The following DNAAF9 variants were observed in gnomAD, a reference collection of about 807,000 sequenced individuals.
DNAAF9 encodes the protein dynein axonemal assembly factor 9, also known as shulin.
DNAAF9 carries 90 observed loss-of-function variants against 167.0 expected under a neutral mutation model. That is an observed-to-expected ratio of 0.54 (90% CI 0.45 to 0.64). DNAAF9 has a LOEUF of 0.64. Ranked by LOEUF, DNAAF9 falls within the 30% of genes least tolerant of loss-of-function variation. The pLI, the probability that DNAAF9 is intolerant of heterozygous loss-of-function variation, is 0.00. For missense variants in DNAAF9, 1,315 were observed against 1,442.2 expected, an observed-to-expected ratio of 0.91 and a Z score of 1.43; for synonymous variants, 491 against 508.8, an observed-to-expected ratio of 0.96 and a Z score of 0.47.
intron 10 of DNAAF9, among the ~76,000 whole-genome samples, chr20:3,334,578 T>C (rs1293337255): frequency 6.6e-6 from 1 of 152,226 alleles, no homozygotes; most frequent in Non-Finnish European, 1.5e-5. Flanking sequence ...AAAAGCGAAA[T>C]TGCTGGATCT....
intron 25 of DNAAF9, among the ~76,000 whole-genome samples, chr20:3,292,330 G>A (rs1172195865): frequency 6.6e-6 from 1 of 152,188 alleles, no homozygotes; most frequent in Admixed American, 6.5e-5. Context: ...CAACAAGTAG[G>A]TATGCTTTAC....
chr20:3,261,557 G>A (rs896600795), intron 31 of DNAAF9, among the ~76,000 whole-genome samples: 8 of 149,856 alleles, frequency 5.3e-5, no homozygotes, highest in African/African-American at 2.0e-4. Context: ...TAATAGAGAT[G>A]GGGTTTCACC....
chr20:3,391,921 G>T (rs2083832900), intron 1 of DNAAF9, among the ~76,000 whole-genome samples: 1 of 152,132 alleles, frequency 6.6e-6, no homozygotes. Flanking sequence ...GGCGGGCACA[G>T]TGGCTCATGT....
Position 3,252,546 on chromosome 20 carries a change from G to T in DNAAF9, c.*26C>A. The T allele has an allele frequency of 8.1e-7, 1 of 1,241,962 alleles. No individual in the cohort carries two copies. Among genetic ancestry groups the T allele is most frequent in the Non-Finnish European group, 1.2e-6 (1 of 840,006 alleles). 76.9% of individuals were successfully genotyped at this position (1,241,962 alleles called of 1,614,324 possible). A position where few individuals can be genotyped will look rare whatever the true frequency, so the allele number is the denominator to read the frequency against. Reference sequence around the variant, plus strand: ...CGTCCATCTCCAAGGTGGACATTCTGCAGGACGTACGGGCCCAGCCTTCCT... The same window carrying T: ...CGTCCATCTCCAAGGTGGACATTCTTCAGGACGTACGGGCCCAGCCTTCCT... On this transcript the variant is annotated 3_prime_UTR_variant, in exon 37 of 37. Coordinates refer to ENST00000252032, the MANE Select transcript of DNAAF9 (RefSeq NM_001009984.3).
intron 30 of DNAAF9, among the ~76,000 whole-genome samples, chr20:3,265,834 C>T (rs906309906): frequency 1.3e-5 from 2 of 151,508 alleles, no homozygotes; most frequent in East Asian, 2.0e-4. Context: ...CCCACCACCA[C>T]GCCCTGCTAA....
At chr20:3,341,593 C>A (rs1274143319) in intron 9 of DNAAF9, among the ~76,000 whole-genome samples, 1 of 152,170 alleles carries the variant, frequency 6.6e-6, no homozygotes, top group Non-Finnish European at 1.5e-5. Context: ...CTTCCTCCGC[C>A]TTCAAATCTA....
At chr20:3,343,599 A>G in intron 9 of DNAAF9, 77 bp downstream of exon 9, 1 of 1,073,582 alleles carries the variant, frequency 9.3e-7, no homozygotes, top group Admixed American at 2.0e-5. Context: ...ACTTGAATGC[A>G]CCCCCACAGC....
intron 33 of DNAAF9, among the ~76,000 whole-genome samples, chr20:3,257,114 G>A (rs1163636131): frequency 6.6e-6 from 1 of 152,290 alleles, no homozygotes; most frequent in African/African-American, 2.4e-5. Context: ...AGGAGTGACT[G>A]GAGACCCAAG....
chr20:3,266,724 G>A (rs916301639), intron 30 of DNAAF9, among the ~76,000 whole-genome samples: 15 of 152,146 alleles, frequency 9.9e-5, no homozygotes, highest in Middle Eastern at 3.4e-3. Flanking sequence ...TGATCTGCCC[G>A]CCTCAGCCTC....
In DNAAF9 at chr20:3,348,506, T is replaced by C; in HGVS notation, c.789+19A>G. ...AATTAACCATTTTATTCTTCCTCTT[T>C]GACCCTTCCCTTACATACCTCACCC... On this transcript the variant is annotated intron_variant, in intron 8 of 36. Coordinates refer to ENST00000252032, the MANE Select transcript of DNAAF9 (RefSeq NM_001009984.3). 3 of 1,340,622 alleles carry C rather than the reference T, an allele frequency of 2.2e-6. No individual in the cohort carries two copies. Among genetic ancestry groups the C allele is most frequent in the Non-Finnish European group, 3.1e-6 (3 of 959,356 alleles). The allele number at this position is 1,340,622 out of a possible 1,614,324, so 83.0% of individuals were successfully genotyped here.
intron 1 of DNAAF9, among the ~76,000 whole-genome samples, chr20:3,402,775 G>A (rs1431841080): frequency 2.0e-5 from 3 of 151,792 alleles, no homozygotes; most frequent in Admixed American, 2.0e-4. Context: ...GTAAAGATGG[G>A]GTCTCGACAT....
At chr20:3,368,324 A>T (rs763355577) in intron 6 of DNAAF9, among the ~76,000 whole-genome samples, 39 of 152,058 alleles carry the variant, frequency 2.6e-4, no homozygotes, top group Non-Finnish European at 1.0e-4. Flanking sequence ...AGGGGCTCAC[A>T]TTGATTGTTT....
chr20:3,264,148 C>T (rs959375948), intron 31 of DNAAF9, among the ~76,000 whole-genome samples: 2 of 152,196 alleles, frequency 1.3e-5, no homozygotes, highest in African/African-American at 4.8e-5. Flanking sequence ...AGGCACTTTG[C>T]CCTCAGTAGG....
intron 6 of DNAAF9, among the ~76,000 whole-genome samples, chr20:3,372,210 T>C (rs1444917940): frequency 6.6e-6 from 1 of 152,206 alleles, no homozygotes; most frequent in East Asian, 1.9e-4. Flanking sequence ...CAGGCAGTCA[T>C]CAGGCCATCA....
intron 31 of DNAAF9, among the ~76,000 whole-genome samples, chr20:3,261,012 G>C (rs2068376235): frequency 6.6e-6 from 1 of 152,088 alleles, no homozygotes; most frequent in African/African-American, 2.4e-5. Flanking sequence ...ATATAGATGT[G>C]TACACCTGTC....
intron 11 of DNAAF9, among the ~76,000 whole-genome samples, chr20:3,331,502 C>T (rs928764901): frequency 6.6e-6 from 1 of 152,128 alleles, no homozygotes; most frequent in African/African-American, 2.4e-5. Flanking sequence ...CTTCTGGTTA[C>T]CCCAGTAAGC....
chr20:3,377,346 T>A (rs2083589001), intron 3 of DNAAF9, among the ~76,000 whole-genome samples: 2 of 152,218 alleles, frequency 1.3e-5, no homozygotes, highest in Admixed American at 6.5e-5. Context: ...TTTAAAAATA[T>A]GTCAAAGGAG....
chr20:3,253,141 T>C (rs1223106323), intron 36 of DNAAF9, among the ~76,000 whole-genome samples: 2 of 151,868 alleles, frequency 1.3e-5, no homozygotes, highest in African/African-American at 4.8e-5. Flanking sequence ...CTGGGCAACA[T>C]GGCGAGACCT....
At chr20:3,399,055 C>T (rs2083948002) in intron 1 of DNAAF9, among the ~76,000 whole-genome samples, 2 of 152,146 alleles carry the variant, frequency 1.3e-5, no homozygotes, top group Admixed American at 1.3e-4. Flanking sequence ...AATGTGCTGG[C>T]ATCACTGAAT....
Sources: allele counts gnomAD v4.1 joint callset (sites outside exome capture counted in the v4.1 genomes callset), GRCh38; gene constraint gnomAD v4.1.1; transcripts MANE v1.5; gene names NCBI Gene and HGNC (gene_info 2026-07-23, HGNC 2026-07-21).